RFPL4A: variants seen among roughly 807,000 people sequenced by gnomAD.
RFPL4A encodes the protein ret finger protein-like 4A.
A neutral mutation model predicts 8.3 loss-of-function variants in RFPL4A; 4 were observed. That is an observed-to-expected ratio of 0.48 (90% CI 0.24 to 1.10). The LOEUF is 1.10. RFPL4A is among the 50% of genes least tolerant of loss of function. The pLI, the probability that RFPL4A is intolerant of heterozygous loss-of-function variation, is 0.18. For synonymous variants in RFPL4A, 43 were observed against 136.6 expected (o/e 0.31, Z 4.78); for missense variants, 111 against 358.7 (o/e 0.31, Z 5.58).
rs559641281 is a variant in RFPL4A, at chr19:55,761,771, G to A, written c.-9-21G>A. The A allele has an allele frequency of 3.5e-5, 50 of 1,412,086 alleles. 4 individuals carry two copies. Among genetic ancestry groups the A allele is most frequent in the Middle Eastern group, 1.8e-4 (1 of 5,664 alleles). The allele number at this position is 1,412,086 out of a possible 1,614,324, so 87.5% of individuals were successfully genotyped here. ...TTCAGCTCGTGGAAATTCTAATTCTGTGTTCATTTTTTTTCTATAGACATT... is the reference window on the plus strand; with the variant it reads ...TTCAGCTCGTGGAAATTCTAATTCTATGTTCATTTTTTTTCTATAGACATT... On this transcript the variant is annotated intron_variant, in intron 1 of 2. Coordinates refer to ENST00000434937, the MANE Select transcript of RFPL4A (RefSeq NM_001145014.2).
chr19:55,760,904 G>T (rs576707084), intron 1 of RFPL4A, among the ~76,000 whole-genome samples: 2 of 151,158 alleles, frequency 1.3e-5, no homozygotes, highest in Admixed American at 6.6e-5. Flanking sequence ...AGTACTTGCT[G>T]GTCGTTGGTG....
upstream of RFPL4A, among the ~76,000 whole-genome samples, chr19:55,757,374 T>TA (rs927174725): frequency 3.1e-3 from 452 of 144,588 alleles, 3 homozygotes; most frequent in African/African-American, 6.9e-3. Flanking sequence ...AAAGTATAAT[T>TA]AAAAAAAAAA....
intron 1 of RFPL4A, among the ~76,000 whole-genome samples, 163 bp downstream of exon 1, chr19:55,759,338 A>G (rs1016082859): frequency 6.6e-6 from 1 of 152,056 alleles, no homozygotes; most frequent in Non-Finnish European, 1.5e-5. Context: ...ACAGTTAGGT[A>G]AGTCTTAGAT....
At chr19:55,758,774 C>G (rs1370793897), upstream of RFPL4A, among the ~76,000 whole-genome samples, 11 of 151,120 alleles carry the variant, frequency 7.3e-5, no homozygotes, top group African/African-American at 2.7e-4. Context: ...ATAGAAAACT[C>G]TTTGAAAGTC....
Position 55,763,014 on chromosome 19 carries a change from G to A in RFPL4A, c.703G>A (p.Gly235Arg). The change falls in exon 3 of 3, where the codon GGG becomes AGG. Residue 235 changes from glycine (G) to arginine (R), a missense_variant. Coordinates refer to ENST00000434937, the MANE Select transcript of RFPL4A (RefSeq NM_001145014.2). ...RSIAFYNVSD[G>R]CHIYTFIEIP... is the part of the protein sequence containing the mutation. Reference sequence around the variant, plus strand: ...CATTGCCTTTTACAATGTTAGTGATGGGTGCCATATCTACACATTCATCGA... The same window carrying A: ...CATTGCCTTTTACAATGTTAGTGATAGGTGCCATATCTACACATTCATCGA... The A allele has an allele frequency of 6.4e-7, 1 of 1,552,134 alleles. No individual in the cohort carries two copies. Among genetic ancestry groups the A allele is most frequent in the Non-Finnish European group, 8.7e-7 (1 of 1,147,000 alleles).
At chr19:55,760,102 T>C (rs1989252306) in intron 1 of RFPL4A, among the ~76,000 whole-genome samples, 3 of 151,722 alleles carry the variant, frequency 2.0e-5, no homozygotes, top group Admixed American at 2.0e-4. Flanking sequence ...ATCCTTCATG[T>C]TTTCAGAAAC....
upstream of RFPL4A, among the ~76,000 whole-genome samples, chr19:55,757,571 T>C (rs1040635362): frequency 6.6e-6 from 1 of 151,892 alleles, no homozygotes; most frequent in African/African-American, 2.4e-5. Context: ...GAACTGTACA[T>C]GAGAGTGGGC....
intron 1 of RFPL4A, among the ~76,000 whole-genome samples, chr19:55,759,588 G>C (rs1416986956): frequency 6.6e-6 from 1 of 151,568 alleles, no homozygotes; most frequent in Non-Finnish European, 1.5e-5. Context: ...AATTCAGAAA[G>C]AGAAAGGGAA....
At chr19:55,759,621 T>A (rs1467323039) in intron 1 of RFPL4A, among the ~76,000 whole-genome samples, 4 of 151,986 alleles carry the variant, frequency 2.6e-5, no homozygotes, top group African/African-American at 7.3e-5. Context: ...CAAAGTTTGT[T>A]TACATTACTA....
chr19:55,762,180 A>C, intron 2 of RFPL4A, 94 bp downstream of exon 2: 1 of 1,291,756 alleles, frequency 7.7e-7, no homozygotes, highest in Non-Finnish European at 1.1e-6. Context: ...TTAGCAGGAT[A>C]TCTAGCATCT....
At chr19:55,757,827 T>C (rs10401814), upstream of RFPL4A, among the ~76,000 whole-genome samples, 31,299 of 143,726 alleles carry the variant, frequency 0.22, 3,421 homozygotes, top group Non-Finnish European at 0.24. Context: ...CCACTGGGCT[T>C]GGTGCTTTCC....
intron 1 of RFPL4A, among the ~76,000 whole-genome samples, chr19:55,760,997 C>G (rs1989269478): frequency 6.9e-6 from 1 of 144,034 alleles, no homozygotes; most frequent in South Asian, 2.2e-4. Context: ...TTTGCTACAG[C>G]CTTGAAAATA....
chr19:55,760,976 T>G (rs1380380256), intron 1 of RFPL4A, among the ~76,000 whole-genome samples: 1 of 148,484 alleles, frequency 6.7e-6, no homozygotes, highest in East Asian at 2.0e-4. Context: ...TTATTTTGGC[T>G]TTTTTTTCTT....
upstream of RFPL4A, chr19:55,759,004 T>C (rs1030129322): frequency 6.7e-6 from 1 of 148,306 alleles, no homozygotes; most frequent in Non-Finnish European, 1.5e-5. Flanking sequence ...ACAATCTCAA[T>C]GATGGCAGAA....
In RFPL4A at chr19:55,762,343, T is replaced by G. The variant is rs1314346593; in HGVS notation, c.287-255T>G. Among the ~76,000 whole-genome samples the G allele has an allele frequency of 2.0e-5, 3 of 150,772 alleles. 1 individual carries two copies. Among genetic ancestry groups the G allele is most frequent in the African/African-American group, 7.4e-5 (3 of 40,382 alleles). ...AAATGGAAAGCTAATTTTCATCAAA[T>G]TATCCACTAACTTATTTCGAAAGGC... On this transcript the variant is annotated intron_variant, in intron 2 of 2. Coordinates refer to ENST00000434937, the MANE Select transcript of RFPL4A (RefSeq NM_001145014.2).
At chr19:55,758,333 T>C (rs1328187174), upstream of RFPL4A, among the ~76,000 whole-genome samples, 62 of 152,356 alleles carry the variant, frequency 4.1e-4, no homozygotes, top group Middle Eastern at 3.4e-3. Context: ...GACTATTAAT[T>C]TAATCACATT....
At chr19:55,759,556 TG>T (rs773347699) in intron 1 of RFPL4A, among the ~76,000 whole-genome samples, 81 of 151,454 alleles carry the variant, frequency 5.3e-4, no homozygotes, top group Non-Finnish European at 7.2e-4. Flanking sequence ...ATTTTTTTTT[TG>T]TTCAGTTTTT....
At chr19:55,757,574 G>C (rs149289948), upstream of RFPL4A, among the ~76,000 whole-genome samples, 498 of 152,054 alleles carry the variant, frequency 3.3e-3, 2 homozygotes, top group Middle Eastern at 0.01. Context: ...CTGTACATGA[G>C]AGTGGGCAAG....
chr19:55,761,438 G>T (rs1023682873), intron 1 of RFPL4A, among the ~76,000 whole-genome samples: 1 of 137,954 alleles, frequency 7.2e-6, no homozygotes, highest in African/African-American at 2.7e-5. Context: ...AAATAAGAGC[G>T]TATTTGGCTC....
Sources: gnomAD v4.1 joint callset for allele counts (sites outside exome capture counted in the v4.1 genomes callset) on GRCh38, gnomAD v4.1.1 for gene constraint, MANE v1.5 for transcripts, NCBI Gene and HGNC (gene_info 2026-07-23, HGNC 2026-07-21) for gene names.